Variants in TRANK1 observed in about 807,000 individuals in gnomAD.
TRANK1 encodes the protein TPR and ankyrin repeat-containing protein 1.
Under a neutral mutation model 266.0 loss-of-function variants are expected in TRANK1, and 198 were observed. The ratio of observed to expected loss-of-function variants is 0.74; its 90% confidence interval spans 0.66 to 0.84. The LOEUF is 0.84. Ranked by LOEUF, TRANK1 falls within the 40% of genes least tolerant of loss-of-function variation. The pLI is 0.00. For missense variants in TRANK1, 3,326 were observed against 3,634.6 expected, an observed-to-expected ratio of 0.92 and a Z score of 2.18; for synonymous variants, 1,396 against 1,384.1, an observed-to-expected ratio of 1.01 and a Z score of -0.19.
At chr3:36,903,045 C>G in intron 3 of TRANK1, 104 bp downstream of exon 3, 1 of 1,393,466 alleles carries the variant, frequency 7.2e-7, no homozygotes, top group Non-Finnish European at 9.5e-7. Context: ...GCTGCCACCC[C>G]CAGGTGCCAC....
At position 36,857,936 on chromosome 3, in the gene TRANK1, G is replaced by A; in HGVS notation, c.1786C>T (p.His596Tyr). Reference protein sequence around the residue: ...VQDSNGNTLMHILFQKGMLKR... With the variant: ...VQDSNGNTLMYILFQKGMLKR... ...AGCATGCCCTTCTGGAAGAGGATGT[G>A]CATCAGCGTGTTCCCATTGCTGTCC... The change falls in exon 13 of 24, where the codon CAC becomes TAC. Residue 596 changes from histidine to tyrosine, a missense_variant. Physicochemically the swap from His to Tyr is moderately conservative, Grantham distance 83 (BLOSUM62 2). Coordinates refer to ENST00000645898, the MANE Select transcript of TRANK1 (RefSeq NM_001329998.2). This position sits in a 1 kb window ranked among gnomAD's most constrained non-coding sequence, Gnocchi z 4.3. 6.2e-7 allele frequency: 1 copy of A among 1,604,254 alleles called. No homozygotes were observed. Among genetic ancestry groups the A allele is most frequent in the South Asian group, 1.1e-5 (1 of 91,084 alleles).
intron 20 of TRANK1, 114 bp downstream of exon 20, chr3:36,838,258 C>A: frequency 6.8e-7 from 1 of 1,480,252 alleles, no homozygotes; most frequent in South Asian, 1.3e-5. Flanking sequence ...CCAGTGTCTC[C>A]CTCCTTGGAA....
At chr3:36,939,115 C>T (rs1029384350) in intron 1 of TRANK1, among the ~76,000 whole-genome samples, 2 of 151,814 alleles carry the variant, frequency 1.3e-5, no homozygotes, top group Admixed American at 6.6e-5. Flanking sequence ...CCAGCGTGGG[C>T]AACAGAGCGA....
Position 36,856,363 on chromosome 3 carries a change from T to A in TRANK1, c.3359A>T (p.Glu1120Val), listed in dbSNP as rs1210779031. 6.3e-7 allele frequency: 1 copy of A among 1,583,240 alleles called. No homozygotes were observed. Among genetic ancestry groups the A allele is most frequent in the Non-Finnish European group, 8.6e-7 (1 of 1,164,672 alleles). ...TGGACTCTCTTTTCCGGGTTCCACTTCCAACCTTCTCTTCAGCCAGACCTG... is the reference window on the plus strand; with the variant it reads ...TGGACTCTCTTTTCCGGGTTCCACTACCAACCTTCTCTTCAGCCAGACCTG... ...AKQVWLKRRL[E>V]VEPGKESPGG... Residue 1120 changes from glutamate (E) to valine (V), a missense_variant, in exon 13 of 24, where the codon GAA (glutamate) becomes GTA (valine). Physicochemically the swap from Glu to Val is moderately radical, Grantham distance 121. Transcript: ENST00000645898.
At position 36,905,215 on chromosome 3, in the gene TRANK1, G is replaced by A. The variant is rs1212180458; in HGVS notation, c.156-1940C>T. Among the ~76,000 whole-genome samples the A allele has an allele frequency of 5.9e-5, 9 of 151,644 alleles. 1 individual carries two copies. In the East Asian group the frequency reaches 9.7e-4, roughly 16 times the overall value. ...AGGCAGGAGAATGGCGTGAACCCGG[G>A]AGGCGGCGGAGCTTGCAGTGAGCCG... On this transcript the variant is annotated intron_variant, in intron 2 of 23. Coordinates refer to ENST00000645898, the MANE Select transcript of TRANK1 (RefSeq NM_001329998.2).
Position 36,864,308 on chromosome 3 carries a change from G to GA in TRANK1, c.1240+10dup. 2.7e-6 allele frequency: 4 copies of GA among 1,489,908 alleles called. No homozygotes were observed. Among genetic ancestry groups the GA allele is most frequent in the Non-Finnish European group, 3.5e-6 (4 of 1,127,406 alleles). 92.3% of individuals were successfully genotyped at this position (1,489,908 alleles called of 1,614,324 possible). On this transcript the variant is annotated intron_variant, in intron 10 of 23. Coordinates refer to ENST00000645898, the MANE Select transcript of TRANK1 (RefSeq NM_001329998.2). ...ATTTTTAACATCATTGAACGTTGTG[G>GA]AAAAAATTACCTTGCAGAGTAGAAA...
intron 16 of TRANK1, among the ~76,000 whole-genome samples, chr3:36,846,776 A>G (rs534930282): frequency 6.6e-6 from 1 of 152,364 alleles, no homozygotes; most frequent in East Asian, 1.9e-4. Flanking sequence ...AAGAGTACAG[A>G]CAGACCCCGT....
At chr3:36,918,189 C>T in intron 1 of TRANK1, among the ~76,000 whole-genome samples, 1 of 151,962 alleles carries the variant, frequency 6.6e-6, no homozygotes, top group Non-Finnish European at 1.5e-5. Context: ...CTTATATGAG[C>T]TACTTAAAAT....
intron 1 of TRANK1, among the ~76,000 whole-genome samples, chr3:36,930,353 A>G (rs1361349351): frequency 6.6e-6 from 1 of 152,132 alleles, no homozygotes; most frequent in Admixed American, 6.5e-5. Flanking sequence ...TGCCAACAAC[A>G]TGAGTGAGTC....
Position 36,857,661 on chromosome 3 carries a change from T to C in TRANK1, c.2061A>G (p.Ser687=). 1 of 1,614,022 alleles carries C rather than the reference T, an allele frequency of 6.2e-7. No homozygotes were observed. ...SQLKSQGSFK[S]VPCGATARTL... is the part of the protein sequence containing the mutation. ...TTCTGGCAGTGGCACCACATGGCAC[T>C]GACTTGAATGAACCCTGGGACTTGA... The change falls in exon 13 of 24, where the codon TCA becomes TCG. Residue 687 remains serine, a synonymous_variant. Transcript: ENST00000645898. The surrounding 1 kb of genome is among the most constrained non-coding windows in gnomAD (Gnocchi z 4.3).
At chr3:36,913,489 C>T (rs921939129) in intron 1 of TRANK1, among the ~76,000 whole-genome samples, 2 of 151,000 alleles carry the variant, frequency 1.3e-5, no homozygotes, top group African/African-American at 2.4e-5. Flanking sequence ...TCCTCTCTTT[C>T]TTTCTCTCCT....
rs934012669 is a variant in TRANK1, at chr3:36,879,838, A to G, written c.908-5542T>C. 9.6e-5 allele frequency among the ~76,000 whole-genome samples: 11 copies of G among 115,122 alleles called. No homozygotes were observed. The South Asian group carries it at 1.0e-3, about 11-fold the overall frequency. 75.5% of individuals were successfully genotyped at this position (115,122 alleles called of 152,430 possible). A position where few individuals can be genotyped will look rare whatever the true frequency, so the allele number is the denominator to read the frequency against. On this transcript the variant is annotated intron_variant, in intron 8 of 23. Coordinates refer to ENST00000645898, the MANE Select transcript of TRANK1 (RefSeq NM_001329998.2). Reference sequence around the variant, plus strand: ...TAAATATACAAATATATGTAAATATACAAATATATGTAAATATACAAATAT... The same window carrying G: ...TAAATATACAAATATATGTAAATATGCAAATATATGTAAATATACAAATAT...
Position 36,833,365 on chromosome 3 carries a change from C to T in TRANK1, c.6218G>A (p.Cys2073Tyr). ...CAGAATCTTCTCAGGCTCGGCCTCA[C>T]ACTGGCTGGCTGCTTCGTAGAGTGC... is the stretch of plus-strand genomic sequence containing the variant. ...VEALYEAASQCEAEPEKILGL... is the reference protein window; with the variant it reads ...VEALYEAASQYEAEPEKILGL... The change falls in exon 22 of 24, where the codon TGT (cysteine) becomes TAT (tyrosine). Residue 2073 changes from cysteine to tyrosine, a missense_variant. Physicochemically the swap from Cys to Tyr is radical, Grantham distance 194. Coordinates refer to ENST00000645898, the MANE Select transcript of TRANK1 (RefSeq NM_001329998.2). The T allele has an allele frequency of 6.2e-7, 1 of 1,613,910 alleles. No individual in the cohort carries two copies. Among genetic ancestry groups the T allele is most frequent in the Non-Finnish European group, 8.5e-7 (1 of 1,179,816 alleles).
intron 11 of TRANK1, among the ~76,000 whole-genome samples, chr3:36,859,560 C>T (rs1265954250): frequency 6.6e-6 from 1 of 152,106 alleles, no homozygotes; most frequent in Non-Finnish European, 1.5e-5. Context: ...CTGCCATCTT[C>T]CCTGACATCT....
At chr3:36,879,390 T>G (rs1001309429) in intron 8 of TRANK1, among the ~76,000 whole-genome samples, 4 of 151,038 alleles carry the variant, frequency 2.6e-5, no homozygotes, top group Non-Finnish European at 5.9e-5. Context: ...GTTTCTTTGT[T>G]CAAAGTAACC....
chr3:36,888,357 A>G (rs2079637612), intron 8 of TRANK1, among the ~76,000 whole-genome samples: 1 of 152,206 alleles, frequency 6.6e-6, no homozygotes, highest in African/African-American at 2.4e-5. Flanking sequence ...AATGACTGCT[A>G]ATGGATGTGG....
At chr3:36,931,184 A>G (rs1041684173) in intron 1 of TRANK1, among the ~76,000 whole-genome samples, 24 of 152,138 alleles carry the variant, frequency 1.6e-4, no homozygotes, top group African/African-American at 5.8e-4. Context: ...ATAAAAGACT[A>G]GGACCAACTT....
intron 22 of TRANK1, among the ~76,000 whole-genome samples, 164 bp downstream of exon 22, chr3:36,830,709 G>A (rs965048293): frequency 6.6e-6 from 1 of 152,134 alleles, no homozygotes; most frequent in East Asian, 1.9e-4. Context: ...CAACCAATGA[G>A]GTTCGCTATA....
chr3:36,903,280 A>G lies in TRANK1; in HGVS notation c.156-5T>C, dbSNP rs2079911382. The G allele has an allele frequency of 3.9e-6, 6 of 1,536,860 alleles. No individual in the cohort carries two copies. The East Asian group carries it at 1.5e-4, about 38-fold the overall frequency. On this transcript the variant is annotated splice_polypyrimidine_tract_variant and splice_region_variant and intron_variant, in intron 2 of 23. Transcript: ENST00000645898. ...GCCAAGTCCCTCGGGGGAACCCTGTAAGAACAAACCGGTGGTCTGTCATGG... is the reference window on the plus strand; with the variant it reads ...GCCAAGTCCCTCGGGGGAACCCTGTGAGAACAAACCGGTGGTCTGTCATGG...
Sources: allele counts gnomAD v4.1 joint callset (sites outside exome capture counted in the v4.1 genomes callset), GRCh38; gene constraint gnomAD v4.1.1; non-coding constraint Gnocchi (gnomAD v3.1); transcripts MANE v1.5; gene names NCBI Gene and HGNC (gene_info 2026-07-23, HGNC 2026-07-21).